The following MLLT1 variants were observed in gnomAD, a reference collection of about 807,000 sequenced individuals.
The protein encoded by MLLT1 is MLLT1 super elongation complex subunit.
MLLT1 carries 11 observed loss-of-function variants against 55.1 expected under a neutral mutation model. The observed-to-expected ratio is 0.20, with a 90% CI of 0.13 to 0.33. The LOEUF is 0.33. Ranked by LOEUF, MLLT1 falls within the 10% of genes least tolerant of loss-of-function variation. The pLI is 1.00. For synonymous variants in MLLT1, 323 were observed against 320.1 expected (o/e 1.01, Z -0.10); for missense variants, 536 against 760.6 (o/e 0.70, Z 3.47).
At chr19:6,254,242 G>A (rs1223681872) in intron 3 of MLLT1, among the ~76,000 whole-genome samples, 1 of 152,208 alleles carries the variant, frequency 6.6e-6, no homozygotes. Context: ...TTACACAAAG[G>A]GGTTCCGAGA....
intron 3 of MLLT1, among the ~76,000 whole-genome samples, chr19:6,239,314 A>G (rs2091093017): frequency 6.6e-6 from 1 of 152,208 alleles, no homozygotes; most frequent in African/African-American, 2.4e-5. Flanking sequence ...ATCCGACCGA[A>G]ATACCCACAG....
intron 4 of MLLT1, among the ~76,000 whole-genome samples, chr19:6,228,991 G>A (rs901980127): frequency 4.6e-5 from 7 of 152,182 alleles, no homozygotes; most frequent in African/African-American, 1.4e-4. Context: ...TGGCTTTTAT[G>A]TGTTGAGACG....
chr19:6,244,652 G>A (rs1014160778), intron 3 of MLLT1, among the ~76,000 whole-genome samples: 2 of 152,162 alleles, frequency 1.3e-5, no homozygotes, highest in Non-Finnish European at 2.9e-5. Context: ...CACAGACTTG[G>A]AGAAAATATT....
In MLLT1 at chr19:6,230,564, A is replaced by G. The variant is rs2091000129; in HGVS notation, c.420+6T>C. 6.2e-7 allele frequency: 1 copy of G among 1,611,496 alleles called. No individual in the cohort carries two copies. The highest frequency in any genetic ancestry group is 1.3e-5 in the African/African-American group (1 of 74,646). The stretch of plus-strand genomic sequence containing the variant: ...CCCTTGGCGGGCAGGGGCGGGGCAC[A>G]CTCACCCCGCCGGCCCGCAGGAGCT... On this transcript the variant is annotated splice_donor_region_variant and intron_variant, in intron 4 of 11. Transcript: ENST00000252674. This position sits in a 1 kb window ranked among gnomAD's most constrained non-coding sequence, Gnocchi z 9.0.
intron 2 of MLLT1, among the ~76,000 whole-genome samples, chr19:6,264,639 T>G (rs926550937): frequency 6.6e-6 from 1 of 151,862 alleles, no homozygotes; most frequent in East Asian, 1.9e-4. Context: ...GCACCACAGC[T>G]CACACCTGTA....
rs1437707981 is a variant in MLLT1, at chr19:6,227,384, CAAG to C, written c.421-285_421-283del. Among the ~76,000 whole-genome samples the C allele has an allele frequency of 3.3e-5, 5 of 152,316 alleles. No homozygotes were observed. The East Asian group carries it at 9.7e-4, about 30-fold the overall frequency. On this transcript the variant is annotated intron_variant, in intron 4 of 11. Transcript: ENST00000252674. The surrounding 1 kb of genome is among the most constrained non-coding windows in gnomAD (Gnocchi z 5.1). ...GGAACAGTGGACCGGAGGGCTGGCC[CAAG>C]AAGACTTGCGGAGCACACTGAGAAT...
At position 6,227,610 on chromosome 19, in the gene MLLT1, G is replaced by A. The variant is rs568739437; in HGVS notation, c.421-508C>T. 1.3e-5 allele frequency among the ~76,000 whole-genome samples: 2 copies of A among 152,206 alleles called. No individual in the cohort carries two copies. Among genetic ancestry groups the A allele is most frequent in the South Asian group, 2.1e-4 (1 of 4,826 alleles). On this transcript the variant is annotated intron_variant, in intron 4 of 11. Coordinates refer to ENST00000252674, the MANE Select transcript of MLLT1 (RefSeq NM_005934.4). The surrounding 1 kb of genome is among the most constrained non-coding windows in gnomAD (Gnocchi z 5.1). Reference sequence around the variant, plus strand: ...GGTGTGCGGTGACTGCAGCGGACCCGAACAGGGCAAGAGCACCCAGGCTGA... The same window carrying A: ...GGTGTGCGGTGACTGCAGCGGACCCAAACAGGGCAAGAGCACCCAGGCTGA...
intron 2 of MLLT1, among the ~76,000 whole-genome samples, chr19:6,269,575 G>A (rs141028624): frequency 1.3e-4 from 20 of 152,288 alleles, no homozygotes; most frequent in Middle Eastern, 3.4e-3. Flanking sequence ...TGCTGTCAAC[G>A]CCCATCACTT....
chr19:6,222,460 G>A lies in MLLT1; in HGVS notation c.771C>T (p.Ala257=), dbSNP rs1486222587. Residue 257 remains alanine (A), a synonymous_variant, in exon 6 of 12, where the codon GCC becomes GCT. Transcript: ENST00000252674. The surrounding 1 kb of genome is among the most constrained non-coding windows in gnomAD (Gnocchi z 4.1). ...PKAAFKEPKM[A]LKETKLESTS... is the part of the protein sequence containing the mutation. ...TGCTTTCCAGCTTGGTCTCTTTCAG[G>A]GCCATCTTGGGTTCCTTGAAGGCAG... The A allele has an allele frequency of 1.3e-6, 2 of 1,582,404 alleles. No individual in the cohort carries two copies. Among genetic ancestry groups the A allele is most frequent in the Non-Finnish European group, 8.6e-7 (1 of 1,169,050 alleles).
At chr19:6,241,285 G>A (rs995751153) in intron 3 of MLLT1, among the ~76,000 whole-genome samples, 4 of 152,202 alleles carry the variant, frequency 2.6e-5, no homozygotes, top group African/African-American at 4.8e-5. Flanking sequence ...CCACTGCCAG[G>A]CAGAGTCCAG....
At chr19:6,247,097 C>T (rs1040709704) in intron 3 of MLLT1, among the ~76,000 whole-genome samples, 35 of 152,270 alleles carry the variant, frequency 2.3e-4, no homozygotes, top group African/African-American at 8.2e-4. Flanking sequence ...CGTGAATGAG[C>T]CCGCTGGTGC....
chr19:6,214,134 C>T (rs1039757981), intron 8 of MLLT1, 96 bp from the exon 9 acceptor site: 39 of 640,110 alleles, frequency 6.1e-5, no homozygotes, highest in Non-Finnish European at 7.7e-5. Context: ...GGAGTCGGTG[C>T]CTGAGCCCAC....
chr19:6,218,243 G>A (rs1042854932), intron 6 of MLLT1, among the ~76,000 whole-genome samples: 9 of 152,214 alleles, frequency 5.9e-5, no homozygotes, highest in African/African-American at 1.4e-4. Context: ...ATAGCCTCCC[G>A]TGCCAGCCCT....
At position 6,221,730 on chromosome 19, in the gene MLLT1, C is replaced by G. The variant is rs572988301; in HGVS notation, c.1110+391G>C. Among the ~76,000 whole-genome samples, 4 of 152,338 alleles carry G rather than the reference C, an allele frequency of 2.6e-5. No individual in the cohort carries two copies. The South Asian group carries it at 6.2e-4, about 24-fold the overall frequency. On this transcript the variant is annotated intron_variant, in intron 6 of 11. Transcript: ENST00000252674. ...ATGCCCTATTGGCAGAGCTCCAGGC[C>G]GGGCTGACCACGCCATGGTCAGAGC...
At chr19:6,275,372 T>A (rs1239231513) in intron 1 of MLLT1, among the ~76,000 whole-genome samples, 1 of 152,100 alleles carries the variant, frequency 6.6e-6, no homozygotes, top group African/African-American at 2.4e-5. Context: ...CACGTGCACG[T>A]GTGTGAGCCA....
chr19:6,249,611 C>A (rs1389906956), intron 3 of MLLT1, among the ~76,000 whole-genome samples: 3 of 152,214 alleles, frequency 2.0e-5, no homozygotes, highest in Non-Finnish European at 4.4e-5. Flanking sequence ...AGGGAGGCCA[C>A]CCGGATCCCC....
Position 6,229,741 on chromosome 19 carries a change from C to CTG in MLLT1, c.420+827_420+828dup, listed in dbSNP as rs1001976792. On this transcript the variant is annotated intron_variant, in intron 4 of 11. Transcript: ENST00000252674. The surrounding 1 kb of genome is among the most constrained non-coding windows in gnomAD (Gnocchi z 5.2). ...CCCTACATGCCACACATGCCACACA[C>CTG]TGTACATGCCACACCCCACACATAC... 6.6e-6 allele frequency among the ~76,000 whole-genome samples: 1 copy of CTG among 151,632 alleles called. No homozygotes were observed. Among genetic ancestry groups the CTG allele is most frequent in the Non-Finnish European group, 1.5e-5 (1 of 67,850 alleles).
At position 6,231,736 on chromosome 19, in the gene MLLT1, C is replaced by T. The variant is rs1288648141; in HGVS notation, c.277-1023G>A. 1.3e-5 allele frequency among the ~76,000 whole-genome samples: 2 copies of T among 151,872 alleles called. No homozygotes were observed. Among genetic ancestry groups the T allele is most frequent in the African/African-American group, 4.8e-5 (2 of 41,388 alleles). ...CAGGATGGTCTCCATCTCCTGACCT[C>T]GTGACCCACCCGCCTCAGCCTCCCA... On this transcript the variant is annotated intron_variant, in intron 3 of 11. Transcript: ENST00000252674. This position sits in a 1 kb window ranked among gnomAD's most constrained non-coding sequence, Gnocchi z 5.1.
In MLLT1 at chr19:6,210,590, G is replaced by A. The variant is rs1253730371; in HGVS notation, c.*2452C>T. 1.3e-5 allele frequency: 3 copies of A among 223,450 alleles called. No homozygotes were observed. The highest frequency in any genetic ancestry group is 1.2e-4 in the Admixed American group (2 of 17,384). 13.8% of individuals were successfully genotyped at this position (223,450 alleles called of 1,614,324 possible). ...ACACGTTCTTTGTAAAAACCCTTATGGGCAAGAAAGGTATTCGATACCATT... is the reference window on the plus strand; with the variant it reads ...ACACGTTCTTTGTAAAAACCCTTATAGGCAAGAAAGGTATTCGATACCATT... On this transcript the variant is annotated 3_prime_UTR_variant, in exon 12 of 12. Transcript: ENST00000252674. The surrounding 1 kb of genome is among the most constrained non-coding windows in gnomAD (Gnocchi z 4.6).
Sources: allele counts gnomAD v4.1 joint callset (sites outside exome capture counted in the v4.1 genomes callset), GRCh38; gene constraint gnomAD v4.1.1; non-coding constraint Gnocchi (gnomAD v3.1); transcripts MANE v1.5; gene names NCBI Gene and HGNC (gene_info 2026-07-23, HGNC 2026-07-21).